Variants in CAND1 observed in about 807,000 individuals in gnomAD.
CAND1 encodes the protein cullin-associated NEDD8-dissociated protein 1.
A neutral mutation model predicts 108.5 loss-of-function variants in CAND1; 7 were observed. That is an observed-to-expected ratio of 0.06 (90% confidence interval 0.04 to 0.12). The LOEUF (loss-of-function observed/expected upper bound fraction) is 0.12. Ranked by LOEUF, CAND1 falls within the 10% of genes least tolerant of loss-of-function variation. CAND1 has a pLI of 1.00. For synonymous variants in CAND1, 534 were observed against 512.0 expected, an observed-to-expected ratio of 1.04 and a Z score of -0.58; for missense variants, 941 against 1,448.7, an observed-to-expected ratio of 0.65 and a Z score of 5.69.
At chr12:67,283,263 C>T (rs1014889806) in intron 2 of CAND1, among the ~76,000 whole-genome samples, 2 of 152,002 alleles carry the variant, frequency 1.3e-5, no homozygotes, top group African/African-American at 4.8e-5. Flanking sequence ...GGGACATTTG[C>T]AAGTTTAAAA....
intron 6 of CAND1, 43 bp downstream of exon 6, chr12:67,297,896 T>A: frequency 8.3e-7 from 1 of 1,209,614 alleles, no homozygotes; most frequent in Non-Finnish European, 1.2e-6. Context: ...AGTTTTTCCT[T>A]AAGAGTAGAA....
intron 1 of CAND1, among the ~76,000 whole-genome samples, chr12:67,276,603 GT>G (rs1307315417): frequency 6.6e-6 from 1 of 152,210 alleles, no homozygotes; most frequent in East Asian, 1.9e-4. Context: ...GAAAGCTGTA[GT>G]TGGTAAAGAA....
At chr12:67,298,379 C>A (rs995190664) in intron 6 of CAND1, among the ~76,000 whole-genome samples, 2 of 152,038 alleles carry the variant, frequency 1.3e-5, no homozygotes, top group Non-Finnish European at 2.9e-5. Context: ...TGTCTTGAGA[C>A]CTTACTGGTT....
intron 1 of CAND1, chr12:67,270,010 G>C (rs570750346): frequency 2.0e-6 from 1 of 510,114 alleles, no homozygotes; most frequent in South Asian, 2.7e-5. Flanking sequence ...TGCCCGCCGC[G>C]GTCTCTAGGC....
chr12:67,306,917 A>G (rs967610931), intron 10 of CAND1, among the ~76,000 whole-genome samples: 1 of 152,212 alleles, frequency 6.6e-6, no homozygotes, highest in Non-Finnish European at 1.5e-5. Context: ...GCTTGTTGAT[A>G]CTAATTACAA....
chr12:67,308,171 A>G (rs2044908703), intron 11 of CAND1, among the ~76,000 whole-genome samples: 1 of 152,078 alleles, frequency 6.6e-6, no homozygotes. Context: ...GGACAGGATA[A>G]TGGAGATAAC....
At position 67,305,040 on chromosome 12, in the gene CAND1, A is replaced by G. The variant is rs1378463343; in HGVS notation, c.1436-64A>G. The G allele has an allele frequency of 2.1e-6, 3 of 1,409,652 alleles. No homozygotes were observed. Among genetic ancestry groups the G allele is most frequent in the Non-Finnish European group, 2.9e-6 (3 of 1,038,490 alleles). The allele number at this position is 1,409,652 out of a possible 1,614,324, so 87.3% of individuals were successfully genotyped here. ...AACATTAGCAGTACTATAGGGGTTGATTTTTAATTTTTCTTTCTTAAAAGT... is the reference window on the plus strand; with the variant it reads ...AACATTAGCAGTACTATAGGGGTTGGTTTTTAATTTTTCTTTCTTAAAAGT... On this transcript the variant is annotated intron_variant, in intron 9 of 14. Transcript: ENST00000545606. The surrounding 1 kb of genome is among the most constrained non-coding windows in gnomAD (Gnocchi z 4.4).
At chr12:67,296,998 A>G (rs1329760431) in intron 4 of CAND1, among the ~76,000 whole-genome samples, 2 of 151,798 alleles carry the variant, frequency 1.3e-5, no homozygotes, top group African/African-American at 4.8e-5. Flanking sequence ...AGGTTTTGCC[A>G]TGTTGCCCAG....
chr12:67,302,713 G>A, intron 8 of CAND1, 98 bp downstream of exon 8: 2 of 1,032,336 alleles, frequency 1.9e-6, no homozygotes, highest in Non-Finnish European at 2.9e-6. Flanking sequence ...TATCTATAGA[G>A]AAGCAGAAAG....
At chr12:67,276,822 T>C (rs535682736) in intron 1 of CAND1, among the ~76,000 whole-genome samples, 6 of 152,350 alleles carry the variant, frequency 3.9e-5, no homozygotes, top group African/African-American at 1.4e-4. Flanking sequence ...TGCTGTTTTT[T>C]TCTTTATCAG....
intron 10 of CAND1, 144 bp downstream of exon 10, chr12:67,306,741 A>G: frequency 3.2e-6 from 2 of 624,324 alleles, no homozygotes; most frequent in Non-Finnish European, 5.5e-6. Context: ...TGTCTTTCGT[A>G]GTATGGAGTG....
At chr12:67,301,838 G>C (rs2044827650) in intron 7 of CAND1, among the ~76,000 whole-genome samples, 1 of 152,080 alleles carries the variant, frequency 6.6e-6, no homozygotes. Flanking sequence ...ACAGTGTTTT[G>C]GGATTGGTAA....
intron 2 of CAND1, among the ~76,000 whole-genome samples, chr12:67,282,943 T>A (rs923492070): frequency 3.3e-5 from 5 of 152,186 alleles, no homozygotes; most frequent in Non-Finnish European, 7.3e-5. Flanking sequence ...GGTAAAGAAT[T>A]TGAGTTCTCA....
At chr12:67,304,890 C>A in intron 9 of CAND1, 144 bp downstream of exon 9, 1 of 1,034,804 alleles carries the variant, frequency 9.7e-7, no homozygotes, top group South Asian at 1.6e-5. Flanking sequence ...ATCTAACAAT[C>A]TTGAATACCT....
chr12:67,299,541 T>G (rs1299269217), intron 7 of CAND1, among the ~76,000 whole-genome samples: 1 of 152,174 alleles, frequency 6.6e-6, no homozygotes, highest in African/African-American at 2.4e-5. Flanking sequence ...AAGAATTGAA[T>G]CTGTAGATAT....
chr12:67,294,687 T>G (rs1012427969), intron 3 of CAND1, among the ~76,000 whole-genome samples: 20 of 152,252 alleles, frequency 1.3e-4, no homozygotes, highest in Admixed American at 7.2e-4. Flanking sequence ...TATTGTTTTC[T>G]GTGTCCTTTA....
chr12:67,307,382 T>C lies in CAND1; in HGVS notation c.2930-15T>C, dbSNP rs774959608. On this transcript the variant is annotated splice_polypyrimidine_tract_variant and intron_variant, in intron 10 of 14. Transcript: ENST00000545606. ...GGACTACATACCAATAGACTTGCAA[T>C]TTATTTTTAACTAGGCTCATCATAT... 5 of 1,598,946 alleles carry C rather than the reference T, an allele frequency of 3.1e-6. No homozygotes were observed. The South Asian group carries it at 5.6e-5, about 18-fold the overall frequency.
intron 4 of CAND1, 90 bp downstream of exon 4, chr12:67,295,246 G>T: frequency 8.2e-6 from 10 of 1,214,454 alleles, no homozygotes; most frequent in Non-Finnish European, 8.9e-6. Flanking sequence ...AATAAAACTT[G>T]GTCAGAAATT....
At chr12:67,287,252 A>G (rs1240382629) in intron 2 of CAND1, among the ~76,000 whole-genome samples, 2 of 151,040 alleles carry the variant, frequency 1.3e-5, no homozygotes, top group Non-Finnish European at 3.0e-5. Context: ...GGGTGTAGAT[A>G]AGTGTGAAGT....
Sources: gnomAD v4.1 joint callset for allele counts (sites outside exome capture counted in the v4.1 genomes callset) on GRCh38, gnomAD v4.1.1 for gene constraint, Gnocchi (gnomAD v3.1) non-coding constraint, MANE v1.5 for transcripts, NCBI Gene and HGNC (gene_info 2026-07-23, HGNC 2026-07-21) for gene names.